The following SLC35D4 variants were observed in gnomAD, a reference collection of about 807,000 sequenced individuals.
SLC35D4 encodes the protein solute carrier family 35 member D4.
At chr18:23,245,734 CCTT>C in the SLC35D4 span, among the ~76,000 whole-genome samples, 1 of 152,228 alleles carries the variant, frequency 6.6e-6, no homozygotes, top group Admixed American at 6.5e-5. Context: ...TTCCATCTGA[CCTT>C]CTCCTTTCCC....
At chr18:23,247,915 C>G in the SLC35D4 span, among the ~76,000 whole-genome samples, 1 of 152,248 alleles carries the variant, frequency 6.6e-6, no homozygotes, top group Non-Finnish European at 1.5e-5. Flanking sequence ...GGCCAAGGGT[C>G]TCGCAGCATC....
chr18:23,432,393 A>T, the SLC35D4 span, among the ~76,000 whole-genome samples: 131 of 152,298 alleles, frequency 8.6e-4, 1 homozygote, highest in African/African-American at 2.9e-3. Context: ...TTGAGGAAAG[A>T]GAAGGAGCCC....
At chr18:23,261,203 C>T in the SLC35D4 span, among the ~76,000 whole-genome samples, 1 of 152,220 alleles carries the variant, frequency 6.6e-6, no homozygotes, top group African/African-American at 2.4e-5. Context: ...GTGGCTTACA[C>T]CTGTAGTCCC....
the SLC35D4 span, chr18:23,370,297 A>G: frequency 6.2e-7 from 1 of 1,606,776 alleles, no homozygotes. Context: ...TGGTCATGGT[A>G]TTCTGCTCAA....
At chr18:23,362,906 C>T in the SLC35D4 span, among the ~76,000 whole-genome samples, 1 of 152,278 alleles carries the variant, frequency 6.6e-6, no homozygotes, top group Non-Finnish European at 1.5e-5. Context: ...TGAACAAGCA[C>T]AACCTCTTAG....
the SLC35D4 span, among the ~76,000 whole-genome samples, chr18:23,354,978 T>C: frequency 0.34 from 51,735 of 151,954 alleles, 9,285 homozygotes; most frequent in East Asian, 0.57. Context: ...AATCTGGGAA[T>C]AGGAGACTCC....
chr18:23,404,595 C>T, the SLC35D4 span, among the ~76,000 whole-genome samples: 1 of 149,884 alleles, frequency 6.7e-6, no homozygotes, highest in African/African-American at 2.5e-5. Flanking sequence ...ATCACTTGAA[C>T]CCGGGAGGCT....
chr18:23,271,794 C>T, the SLC35D4 span, among the ~76,000 whole-genome samples: 1 of 152,134 alleles, frequency 6.6e-6, no homozygotes, highest in Non-Finnish European at 1.5e-5. Flanking sequence ...TTTGATCAAT[C>T]ATGCCTACAT....
the SLC35D4 span, among the ~76,000 whole-genome samples, chr18:23,275,016 T>TGCTTGTGTGAGTGTGCATATGC: frequency 9.4e-5 from 14 of 149,330 alleles, no homozygotes; most frequent in South Asian, 2.1e-3. Flanking sequence ...TGTATGTGTG[T>TGCTTGTGTGAGTGTGCATATGC]GCTTGTGTGT....
chr18:23,418,353 A>ATTC, the SLC35D4 span, among the ~76,000 whole-genome samples: 1 of 133,250 alleles, frequency 7.5e-6, no homozygotes, highest in East Asian at 2.1e-4. Context: ...AGCCAAAATT[A>ATTC]TTATTATTAT....
At chr18:23,330,547 G>C in the SLC35D4 span, among the ~76,000 whole-genome samples, 1 of 152,082 alleles carries the variant, frequency 6.6e-6, no homozygotes, top group East Asian at 1.9e-4. Context: ...CTCTGACCAG[G>C]AAACCACGCC....
the SLC35D4 span, among the ~76,000 whole-genome samples, chr18:23,318,223 C>A: frequency 6.6e-6 from 1 of 152,066 alleles, no homozygotes. Flanking sequence ...GGCTTAGTGG[C>A]CAGTTGTTCG....
At chr18:23,251,696 C>T in the SLC35D4 span, among the ~76,000 whole-genome samples, 4 of 152,084 alleles carry the variant, frequency 2.6e-5, no homozygotes, top group African/African-American at 9.7e-5. Context: ...CTCAAGTTTC[C>T]AAAGACTTAC....
chr18:23,353,075 CAGTGTGTG>C, the SLC35D4 span, among the ~76,000 whole-genome samples: 9 of 65,000 alleles, frequency 1.4e-4, no homozygotes, highest in African/African-American at 5.1e-4. Context: ...GTGAGACAGA[CAGTGTGTG>C]TGTGTGTGTG....
chr18:23,261,210 T>C, the SLC35D4 span, among the ~76,000 whole-genome samples: 551 of 152,284 alleles, frequency 3.6e-3, no homozygotes, highest in Admixed American at 5.4e-3. Flanking sequence ...ACACCTGTAG[T>C]CCCAGCTACT....
the SLC35D4 span, among the ~76,000 whole-genome samples, chr18:23,323,236 C>T: frequency 1.3e-5 from 2 of 152,216 alleles, no homozygotes; most frequent in Non-Finnish European, 1.5e-5. Flanking sequence ...AGGATTTGTT[C>T]ATCAACTTTT....
the SLC35D4 span, among the ~76,000 whole-genome samples, chr18:23,240,328 T>G: frequency 6.6e-6 from 1 of 152,034 alleles, no homozygotes; most frequent in East Asian, 1.9e-4. Context: ...AAATAGATTT[T>G]TCTAACTGTA....
At chr18:23,247,343 G>C in the SLC35D4 span, among the ~76,000 whole-genome samples, 1 of 152,372 alleles carries the variant, frequency 6.6e-6, no homozygotes, top group East Asian at 1.9e-4. Context: ...TGCCTGGAAA[G>C]GGTGGCCCTG....
At chr18:23,427,592 A>T in the SLC35D4 span, among the ~76,000 whole-genome samples, 1 of 152,016 alleles carries the variant, frequency 6.6e-6, no homozygotes, top group Admixed American at 6.6e-5. Flanking sequence ...TAGTTCAACC[A>T]TTGTGGAAGA....
Sources: gnomAD v4.1 joint callset for allele counts (sites outside exome capture counted in the v4.1 genomes callset) on GRCh38, gnomAD v4.1.1 for gene constraint, MANE v1.5 for transcripts, NCBI Gene and HGNC (gene_info 2026-07-23, HGNC 2026-07-21) for gene names.